Variants in CPAP observed in about 807,000 individuals in gnomAD.
CPAP encodes the protein centrosomal P4.1-associated protein.
the CPAP span, chr13:24,905,313 TTC>T: frequency 3.8e-6 from 6 of 1,592,944 alleles, no homozygotes; most frequent in East Asian, 1.1e-4. Context: ...ATTTCTAACA[TTC>T]TGATACATAT....
At chr13:24,910,821 A>G in the CPAP span, among the ~76,000 whole-genome samples, 1 of 152,222 alleles carries the variant, frequency 6.6e-6, no homozygotes. Flanking sequence ...ACCCTAAGCC[A>G]TTCAACTATT....
chr13:24,923,116 C>G, the CPAP span, among the ~76,000 whole-genome samples: 1 of 152,220 alleles, frequency 6.6e-6, no homozygotes, highest in African/African-American at 2.4e-5. Flanking sequence ...CAGGCTCCCA[C>G]ACTTAGAAAA....
chr13:24,910,644 A>G, the CPAP span, among the ~76,000 whole-genome samples: 1 of 152,232 alleles, frequency 6.6e-6, no homozygotes, highest in African/African-American at 2.4e-5. Flanking sequence ...TTTGAAAACT[A>G]CTGCTCCAAA....
the CPAP span, among the ~76,000 whole-genome samples, chr13:24,931,497 A>G: frequency 6.6e-6 from 1 of 152,000 alleles, no homozygotes; most frequent in African/African-American, 2.4e-5. Flanking sequence ...CCCCTTGGTA[A>G]TAAATTGTGG....
the CPAP span, among the ~76,000 whole-genome samples, chr13:24,921,617 A>C: frequency 7.4e-6 from 1 of 135,378 alleles, no homozygotes; most frequent in African/African-American, 2.8e-5. Context: ...CAATCTAAAA[A>C]AGTAATGACT....
At chr13:24,900,331 G>C in the CPAP span, among the ~76,000 whole-genome samples, 1 of 152,094 alleles carries the variant, frequency 6.6e-6, no homozygotes, top group African/African-American at 2.4e-5. Flanking sequence ...AGCAGGAGAA[G>C]GTGTCAAAAA....
chr13:24,912,773 G>T, the CPAP span: 206,539 of 1,613,882 alleles, frequency 0.13, 14,400 homozygotes, highest in Non-Finnish European at 0.14. Flanking sequence ...GGTTTGTAAG[G>T]GTTGTTTGAC....
chr13:24,920,082 T>G, the CPAP span, among the ~76,000 whole-genome samples: 2 of 152,202 alleles, frequency 1.3e-5, no homozygotes, highest in Non-Finnish European at 2.9e-5. Context: ...TAAAAATCAG[T>G]TTCTATCATG....
At chr13:24,928,325 G>C in the CPAP span, among the ~76,000 whole-genome samples, 2 of 152,166 alleles carry the variant, frequency 1.3e-5, no homozygotes. Context: ...GCATGTGTCT[G>C]GCCTCTAGAC....
the CPAP span, among the ~76,000 whole-genome samples, chr13:24,913,357 A>C: frequency 6.6e-6 from 1 of 152,178 alleles, no homozygotes; most frequent in Non-Finnish European, 1.5e-5. Context: ...AGCTGAACTA[A>C]ACAATGGAAG....
chr13:24,886,428 G>A, the CPAP span: 1 of 1,167,526 alleles, frequency 8.6e-7, no homozygotes, highest in Non-Finnish European at 1.1e-6. Flanking sequence ...GGAAATCACT[G>A]ATTTATAGGT....
chr13:24,923,398 A>G, the CPAP span, among the ~76,000 whole-genome samples: 1 of 152,214 alleles, frequency 6.6e-6, no homozygotes, highest in Non-Finnish European at 1.5e-5. Flanking sequence ...TAACCCTATG[A>G]GAATTCACTC....
chr13:24,911,478 T>C, the CPAP span, among the ~76,000 whole-genome samples: 4 of 152,192 alleles, frequency 2.6e-5, no homozygotes, highest in African/African-American at 9.7e-5. Context: ...CAGTTTTCAT[T>C]CATCAGGCAG....
the CPAP span, among the ~76,000 whole-genome samples, chr13:24,901,870 T>C: frequency 2.6e-5 from 4 of 152,154 alleles, no homozygotes; most frequent in African/African-American, 4.8e-5. Flanking sequence ...TGCGTGCCTG[T>C]AGTCCCCGCT....
chr13:24,932,935 T>C, the CPAP span: 1 of 1,027,570 alleles, frequency 9.7e-7, no homozygotes, highest in East Asian at 2.4e-5. Context: ...AGTTTGTATG[T>C]ATAACAATTC....
the CPAP span, among the ~76,000 whole-genome samples, chr13:24,925,367 T>C: frequency 6.6e-6 from 1 of 152,168 alleles, no homozygotes; most frequent in Non-Finnish European, 1.5e-5. Context: ...GTCCACTCTA[T>C]CCAGAGAGGA....
At chr13:24,921,175 C>T in the CPAP span, among the ~76,000 whole-genome samples, 1 of 152,070 alleles carries the variant, frequency 6.6e-6, no homozygotes. Flanking sequence ...GGTTGTAACC[C>T]GAGACCAATT....
the CPAP span, among the ~76,000 whole-genome samples, chr13:24,902,683 A>G: frequency 1.3e-5 from 2 of 152,238 alleles, no homozygotes; most frequent in African/African-American, 2.4e-5. Context: ...TCCAACAATC[A>G]GTCCCTCCAC....
the CPAP span, among the ~76,000 whole-genome samples, chr13:24,895,707 T>C: frequency 6.6e-6 from 1 of 152,242 alleles, no homozygotes; most frequent in Non-Finnish European, 1.5e-5. Flanking sequence ...AAGGGAGCCA[T>C]GGACTTAAAG....
Sources: allele counts gnomAD v4.1 joint callset (sites outside exome capture counted in the v4.1 genomes callset), GRCh38; gene constraint gnomAD v4.1.1; transcripts MANE v1.5; gene names NCBI Gene and HGNC (gene_info 2026-07-23, HGNC 2026-07-21).